Variants in BFAR observed in about 807,000 individuals in gnomAD.
BFAR encodes the protein bifunctional apoptosis regulator, also known as RING finger protein 47.
In BFAR, 52 loss-of-function variants were observed where a neutral mutation model predicts 54.4. The observed-to-expected ratio is 0.96, with a 90% CI of 0.77 to 1.21. The LOEUF (loss-of-function observed/expected upper bound fraction) is 1.21. Among genes scored for constraint, BFAR ranks in the 50% most tolerant of loss-of-function variants. The pLI, the probability that BFAR is intolerant of heterozygous loss-of-function variation, is 0.00. For missense variants in BFAR, 571 were observed against 534.0 expected, an observed-to-expected ratio of 1.07 and a Z score of -0.68; for synonymous variants, 215 against 204.3, an observed-to-expected ratio of 1.05 and a Z score of -0.45.
intron 6 of BFAR, among the ~76,000 whole-genome samples, chr16:14,662,445 C>G (rs1960317038): frequency 6.6e-6 from 1 of 152,174 alleles, no homozygotes; most frequent in Non-Finnish European, 1.5e-5. Flanking sequence ...GCACATTCCT[C>G]CCCTAATTAC....
At chr16:14,655,417 G>A (rs1567492283) in intron 5 of BFAR, among the ~76,000 whole-genome samples, 1 of 150,796 alleles carries the variant, frequency 6.6e-6, no homozygotes, top group Non-Finnish European at 1.5e-5. Context: ...TGCCTCCCAG[G>A]TTCAAGTGAT....
intron 4 of BFAR, among the ~76,000 whole-genome samples, chr16:14,654,447 T>G (rs1394377339): frequency 6.6e-6 from 1 of 150,560 alleles, no homozygotes; most frequent in African/African-American, 2.4e-5. Context: ...AAAACAGACC[T>G]AGGAGTGCCT....
At chr16:14,660,460 T>C (rs1320349475) in intron 5 of BFAR, among the ~76,000 whole-genome samples, 2 of 151,836 alleles carry the variant, frequency 1.3e-5, no homozygotes, top group African/African-American at 4.8e-5. Context: ...CTAATTTTTG[T>C]ATTTTTAGTA....
At chr16:14,667,418 C>A in intron 7 of BFAR, 1 of 503,446 alleles carries the variant, frequency 2.0e-6, no homozygotes, top group South Asian at 4.1e-5. Flanking sequence ...GAGGCCTTGC[C>A]CAGTGTGGGG....
intron 1 of BFAR, among the ~76,000 whole-genome samples, chr16:14,644,021 G>A (rs985288341): frequency 4.6e-5 from 7 of 151,772 alleles, no homozygotes; most frequent in Admixed American, 4.6e-4. Context: ...AAATTAGCTG[G>A]GTATGGTGGG....
At position 14,667,618 on chromosome 16, in the gene BFAR, T is replaced by G. The variant is rs1026180161; in HGVS notation, c.1161-17T>G. The G allele has an allele frequency of 6.2e-7, 1 of 1,610,086 alleles. No homozygotes were observed. Among genetic ancestry groups the G allele is most frequent in the East Asian group, 2.2e-5 (1 of 44,854 alleles). On this transcript the variant is annotated splice_polypyrimidine_tract_variant and intron_variant, in intron 7 of 7. Coordinates refer to ENST00000261658, the MANE Select transcript of BFAR (RefSeq NM_016561.3). ...TGAGAAGCGCCTCCGATTCAGCCTC[T>G]TCTCTTCTTGTTTCAGGACCGTGCC...
chr16:14,639,324 T>C (rs1197667869), intron 1 of BFAR, among the ~76,000 whole-genome samples: 1 of 152,048 alleles, frequency 6.6e-6, no homozygotes, highest in African/African-American at 2.4e-5. Context: ...TTTTTTTTTT[T>C]TCAGACAGAG....
chr16:14,662,102 C>T (rs1041245344), intron 6 of BFAR, 37 bp downstream of exon 6: 1 of 1,606,322 alleles, frequency 6.2e-7, no homozygotes, highest in Non-Finnish European at 8.5e-7. Flanking sequence ...AGTTATTCCA[C>T]TGTCAAGTTA....
chr16:14,649,530 A>T (rs1207363981), intron 3 of BFAR, among the ~76,000 whole-genome samples: 1 of 152,224 alleles, frequency 6.6e-6, no homozygotes, highest in Non-Finnish European at 1.5e-5. Flanking sequence ...GAGTCAAGGC[A>T]CCACCTGCTC....
intron 1 of BFAR, chr16:14,633,394 A>T (rs374859737): frequency 1.3e-5 from 2 of 152,558 alleles, no homozygotes; most frequent in Non-Finnish European, 2.9e-5. Context: ...CCTGCCCGCC[A>T]GGAGCGCTTG....
intron 2 of BFAR, among the ~76,000 whole-genome samples, chr16:14,645,565 A>G (rs776893294): frequency 7.2e-5 from 11 of 152,118 alleles, no homozygotes; most frequent in Non-Finnish European, 1.5e-4. Flanking sequence ...TTGTCTAACA[A>G]TGTGTGTGCC....
chr16:14,642,104 T>G (rs1429179618), intron 1 of BFAR, among the ~76,000 whole-genome samples: 1 of 152,158 alleles, frequency 6.6e-6, no homozygotes, highest in Non-Finnish European at 1.5e-5. Context: ...TCCTAACCAC[T>G]GTGCCTCCAG....
intron 4 of BFAR, among the ~76,000 whole-genome samples, chr16:14,653,293 G>C (rs1236094544): frequency 6.6e-6 from 1 of 152,062 alleles, no homozygotes; most frequent in African/African-American, 2.4e-5. Context: ...TCACTGTGGA[G>C]GGGAATTTGT....
intron 1 of BFAR, among the ~76,000 whole-genome samples, chr16:14,641,394 G>C (rs1959622328): frequency 6.6e-6 from 1 of 152,086 alleles, no homozygotes; most frequent in Admixed American, 6.6e-5. Context: ...GGAGGTGGAG[G>C]CCTTCTCAAA....
chr16:14,662,820 G>T (rs1442073697), intron 6 of BFAR, among the ~76,000 whole-genome samples: 1 of 152,126 alleles, frequency 6.6e-6, no homozygotes, highest in East Asian at 1.9e-4. Flanking sequence ...AGAAGGAAGG[G>T]ATTTATTTGT....
At position 14,655,185 on chromosome 16, in the gene BFAR, C is replaced by G. The variant is rs142229539; in HGVS notation, c.758C>G (p.Pro253Arg). The G allele has an allele frequency of 6.4e-6, 10 of 1,551,054 alleles. No homozygotes were observed. In the Admixed American group the frequency reaches 1.6e-4, roughly 24 times the overall value. Residue 253 changes from proline (P) to arginine (R), a missense_variant, in exon 5 of 8, where the codon CCC becomes CGC. Transcript: ENST00000261658. ...LERVKALGVK[P>R]PQNLWEYKAV... ...CGTGTCAAAGCATTAGGCGTGAAGCCCCCCCAGAATCTCTGGGAATATAAG... is the reference window on the plus strand; with the variant it reads ...CGTGTCAAAGCATTAGGCGTGAAGCGCCCCCAGAATCTCTGGGAATATAAG...
In BFAR at chr16:14,667,645, C is replaced by G. The variant is rs368858069; in HGVS notation, c.1171C>G (p.Gln391Glu). 8 of 1,613,922 alleles carry G rather than the reference C, an allele frequency of 5.0e-6. No individual in the cohort carries two copies. Among genetic ancestry groups the G allele is most frequent in the Non-Finnish European group, 6.8e-6 (8 of 1,179,940 alleles). Residue 391 changes from glutamine to glutamate, a missense_variant, in exon 8 of 8, where the codon CAG becomes GAG. Coordinates refer to ENST00000261658, the MANE Select transcript of BFAR (RefSeq NM_016561.3). Reference sequence around the variant, plus strand: ...CTCTTCTTGTTTCAGGACCGTGCCTCAGAGGATGTGGAGCCATTTCTGGAA... The same window carrying G: ...CTCTTCTTGTTTCAGGACCGTGCCTGAGAGGATGTGGAGCCATTTCTGGAA... ...WSRSELKTVP[Q>E]RMWSHFWKVS...
At chr16:14,638,049 A>G (rs1023139440) in intron 1 of BFAR, among the ~76,000 whole-genome samples, 4 of 152,160 alleles carry the variant, frequency 2.6e-5, no homozygotes, top group African/African-American at 7.2e-5. Context: ...CCAGAGGCCC[A>G]TGGAAGCCAA....
chr16:14,635,760 CTTT>C (rs879348101), intron 1 of BFAR, among the ~76,000 whole-genome samples: 1 of 144,758 alleles, frequency 6.9e-6, no homozygotes, highest in African/African-American at 2.5e-5. Flanking sequence ...GCTTCTCTCT[CTTT>C]TTTTTTTTTT....
Sources: gnomAD v4.1 joint callset for allele counts (sites outside exome capture counted in the v4.1 genomes callset) on GRCh38, gnomAD v4.1.1 for gene constraint, MANE v1.5 for transcripts, NCBI Gene and HGNC (gene_info 2026-07-23, HGNC 2026-07-21) for gene names.